FYN: variants seen among roughly 807,000 people sequenced by gnomAD.
FYN encodes the protein tyrosine-protein kinase Fyn.
Under a neutral mutation model 70.2 loss-of-function variants are expected in FYN, and 10 were observed. That is an observed-to-expected ratio of 0.14 (90% CI 0.09 to 0.24). The LOEUF is 0.24. FYN is among the 10% of genes least tolerant of loss of function. The probability of loss-of-function intolerance (pLI) is 1.00; values close to 1 mark genes in which losing one functional copy is unlikely to be tolerated. For synonymous variants in FYN, 236 were observed against 248.6 expected (o/e 0.95, Z 0.48); for missense variants, 319 against 673.1 (o/e 0.47, Z 5.82).
At chr6:111,667,240 G>GA (rs1277994798) in intron 13 of FYN, among the ~76,000 whole-genome samples, 6 of 151,428 alleles carry the variant, frequency 4.0e-5, no homozygotes, top group African/African-American at 9.7e-5. Flanking sequence ...TAGATTCTTT[G>GA]AAAAAAAATT....
intron 2 of FYN, among the ~76,000 whole-genome samples, chr6:111,846,046 A>C (rs1773517782): frequency 6.6e-6 from 1 of 152,202 alleles, no homozygotes; most frequent in African/African-American, 2.4e-5. Flanking sequence ...CTTTTGTCTC[A>C]AGAGAGTCCA....
At chr6:111,732,627 G>T (rs538437389) in intron 3 of FYN, among the ~76,000 whole-genome samples, 50 of 152,194 alleles carry the variant, frequency 3.3e-4, no homozygotes, top group Non-Finnish European at 6.8e-4. Flanking sequence ...TGCATTCTCA[G>T]ACTCTCTTGC....
chr6:111,777,154 G>C (rs2128504587), intron 3 of FYN, among the ~76,000 whole-genome samples: 1 of 152,254 alleles, frequency 6.6e-6, no homozygotes, highest in Non-Finnish European at 1.5e-5. Flanking sequence ...TGTGAGTCTT[G>C]TTTTTATCTT....
chr6:111,704,230 AT>A (rs1224844821), intron 6 of FYN, 128 bp from the exon 7 acceptor site: 15 of 670,104 alleles, frequency 2.2e-5, no homozygotes, highest in East Asian at 8.1e-5. Context: ...CCCTGGATGT[AT>A]TTTTTTTCTA....
intron 7 of FYN, 113 bp downstream of exon 7, chr6:111,703,886 G>T: frequency 2.6e-6 from 2 of 771,264 alleles, no homozygotes; most frequent in African/African-American, 1.7e-5. Context: ...TCACAAGGCA[G>T]GGAGGGTATG....
intron 3 of FYN, among the ~76,000 whole-genome samples, chr6:111,743,075 T>C (rs1352811147): frequency 6.6e-6 from 1 of 151,704 alleles, no homozygotes; most frequent in African/African-American, 2.4e-5. Flanking sequence ...CAAGCAATTC[T>C]CCTGCCTCAG....
At chr6:111,664,961 G>A (rs879443267) in intron 13 of FYN, among the ~76,000 whole-genome samples, 1 of 152,224 alleles carries the variant, frequency 6.6e-6, no homozygotes, top group Non-Finnish European at 1.5e-5. Flanking sequence ...CTGACCTGCA[G>A]ACCTGGCAAC....
chr6:111,859,875 A>G (rs1375081980), intron 1 of FYN, among the ~76,000 whole-genome samples: 1 of 152,176 alleles, frequency 6.6e-6, no homozygotes, highest in Non-Finnish European at 1.5e-5. Flanking sequence ...TAAGTTAAGA[A>G]TATCAAGATA....
chr6:111,815,318 T>C (rs1021112300), intron 2 of FYN, among the ~76,000 whole-genome samples: 4 of 152,198 alleles, frequency 2.6e-5, no homozygotes, highest in Non-Finnish European at 5.9e-5. Context: ...AATGGTCATA[T>C]TATTTCTGAT....
intron 2 of FYN, among the ~76,000 whole-genome samples, chr6:111,790,117 C>T (rs551439822): frequency 5.5e-4 from 84 of 151,482 alleles, no homozygotes; most frequent in Non-Finnish European, 1.0e-3. Context: ...GTGTCCATGC[C>T]AAATGTGTAA....
chr6:111,743,255 G>A (rs888117939), intron 3 of FYN, among the ~76,000 whole-genome samples: 1 of 152,082 alleles, frequency 6.6e-6, no homozygotes, highest in African/African-American at 2.4e-5. Flanking sequence ...GTGAGCCACC[G>A]CGCCTGGCCA....
At chr6:111,807,322 C>T (rs1473414750) in intron 2 of FYN, among the ~76,000 whole-genome samples, 2 of 152,206 alleles carry the variant, frequency 1.3e-5, no homozygotes, top group African/African-American at 2.4e-5. Flanking sequence ...GGAAAATGGC[C>T]TCTTCAGAAT....
chr6:111,699,560 G>C, intron 9 of FYN: 1 of 1,614,090 alleles, frequency 6.2e-7, no homozygotes, highest in Non-Finnish European at 8.5e-7. Flanking sequence ...TTCTTCTCCA[G>C]ACACAACGAA....
intron 3 of FYN, among the ~76,000 whole-genome samples, chr6:111,777,279 T>C (rs1770988476): frequency 6.6e-6 from 1 of 152,354 alleles, no homozygotes. Flanking sequence ...CTTAGCAGCC[T>C]TTCCACTCTG....
chr6:111,721,008 C>T (rs575373395), intron 3 of FYN, among the ~76,000 whole-genome samples: 10 of 152,274 alleles, frequency 6.6e-5, no homozygotes, highest in Admixed American at 1.3e-4. Flanking sequence ...TATTCAAACA[C>T]GCCCAACTTC....
At chr6:111,822,285 G>A (rs1305732283) in intron 2 of FYN, among the ~76,000 whole-genome samples, 2 of 152,174 alleles carry the variant, frequency 1.3e-5, no homozygotes, top group Non-Finnish European at 2.9e-5. Flanking sequence ...ATACACCATG[G>A]AATACTATGC....
chr6:111,670,497 G>C (rs2128405571), intron 13 of FYN, among the ~76,000 whole-genome samples: 1 of 152,304 alleles, frequency 6.6e-6, no homozygotes, highest in Non-Finnish European at 1.5e-5. Flanking sequence ...AAAGAAGAAT[G>C]GAAGTCTATG....
chr6:111,740,557 T>A (rs1246346137), intron 3 of FYN, among the ~76,000 whole-genome samples: 1 of 152,244 alleles, frequency 6.6e-6, no homozygotes, highest in Admixed American at 6.5e-5. Context: ...CATCTTTTTT[T>A]AAAGTTACTC....
At chr6:111,665,404 AT>A (rs1562458675) in intron 13 of FYN, among the ~76,000 whole-genome samples, 1 of 151,930 alleles carries the variant, frequency 6.6e-6, no homozygotes, top group African/African-American at 2.4e-5. Context: ...GGTCTACTTC[AT>A]TTTTTTCTTC....
Sources: allele counts gnomAD v4.1 joint callset (sites outside exome capture counted in the v4.1 genomes callset), GRCh38; gene constraint gnomAD v4.1.1; transcripts MANE v1.5; gene names NCBI Gene and HGNC (gene_info 2026-07-23, HGNC 2026-07-21).